The following TTLL4 variants were observed in gnomAD, a reference collection of about 807,000 sequenced individuals.
TTLL4 encodes the protein tubulin tyrosine ligase like 4, also known as tubulin monoglutamylase TTLL4.
A neutral mutation model predicts 122.7 loss-of-function variants in TTLL4; 85 were observed. The ratio of observed to expected loss-of-function variants is 0.69; its 90% CI spans 0.58 to 0.83. TTLL4 has a LOEUF of 0.83. Ranked by LOEUF, TTLL4 falls within the 40% of genes least tolerant of loss-of-function variation. The pLI, the probability that TTLL4 is intolerant of heterozygous loss-of-function variation, is 0.00. For synonymous variants in TTLL4, 553 were observed against 563.0 expected (o/e 0.98, Z 0.25); for missense variants, 1,363 against 1,488.6 (o/e 0.92, Z 1.39).
Position 218,746,159 on chromosome 2 carries a change from C to T in TTLL4, c.1902C>T (p.Asn634=), listed in dbSNP as rs773410175. ...GRSHFKISKR[N]DDWLGCWGHH... ...TTCCTGATGTACCTCCCATAGGAAA[C>T]GATGACTGGCTGGGCTGCTGGGGTC... The change falls in exon 8 of 20, where the codon AAC becomes AAT. Residue 634 remains asparagine, a synonymous_variant. Coordinates refer to ENST00000392102, the MANE Select transcript of TTLL4 (RefSeq NM_014640.5). 3.3e-5 allele frequency: 53 copies of T among 1,614,038 alleles called. No homozygotes were observed. The highest frequency in any genetic ancestry group is 1.8e-4 in the Admixed American group (11 of 59,996).
In TTLL4 at chr2:218,748,202, G is replaced by A; in HGVS notation, c.2476G>A (p.Glu826Lys). 1 of 1,614,150 alleles carries A rather than the reference G, an allele frequency of 6.2e-7. No homozygotes were observed. Among genetic ancestry groups the A allele is most frequent in the South Asian group, 1.1e-5 (1 of 91,086 alleles). Residue 826 changes from glutamate to lysine, a missense_variant, in exon 12 of 20, where the codon GAA (glutamate) becomes AAA (lysine). Physicochemically the swap from Glu to Lys is moderately conservative, Grantham distance 56. Coordinates refer to ENST00000392102, the MANE Select transcript of TTLL4 (RefSeq NM_014640.5). ...KNAEYQANADEMACQGHKWAL... is the reference protein window; with the variant it reads ...KNAEYQANADKMACQGHKWAL... ...TGCCGAGTACCAGGCCAATGCAGAT[G>A]AAATGGCTTGCCAGGGCCACAAATG...
At position 218,747,681 on chromosome 2, in the gene TTLL4, G is replaced by C. The variant is rs1426943186; in HGVS notation, c.2334G>C (p.Arg778=). The C allele has an allele frequency of 1.9e-6, 3 of 1,614,116 alleles. No homozygotes were observed. Among genetic ancestry groups the C allele is most frequent in the Non-Finnish European group, 2.5e-6 (3 of 1,180,054 alleles). ...YVYVTSYDPL[R]IYLFSDGLVR... ...ATGTCACTTCCTACGATCCTCTGCG[G>C]ATTTACCTCTTTTCAGATGGACTGG... The change falls in exon 11 of 20, where the codon CGG becomes CGC. Residue 778 remains arginine (R), a synonymous_variant. Coordinates refer to ENST00000392102, the MANE Select transcript of TTLL4 (RefSeq NM_014640.5). The surrounding 1 kb of genome is among the most constrained non-coding windows in gnomAD (Gnocchi z 4.7).
At chr2:218,748,406 G>A (rs1396755175) in intron 12 of TTLL4, 179 bp downstream of exon 12, 1 of 1,048,712 alleles carries the variant, frequency 9.5e-7, no homozygotes, top group Non-Finnish European at 1.3e-6. Flanking sequence ...TGTAATCCTA[G>A]CACTTTGGGA....
intron 4 of TTLL4, 148 bp from the exon 5 acceptor site, chr2:218,740,373 G>T: frequency 1.1e-6 from 1 of 940,340 alleles, no homozygotes; most frequent in Non-Finnish European, 1.7e-6. Context: ...TGCTTCTGTT[G>T]AGGAAGGCAG....
chr2:218,754,256 A>T lies in TTLL4; in HGVS notation c.3467A>T (p.Glu1156Val). Residue 1156 changes from glutamate (E) to valine (V), a missense_variant, in exon 20 of 20, where the codon GAG becomes GTG. Glu to Val is a moderately radical substitution (Grantham distance 121). Transcript: ENST00000392102. Reference protein sequence around the residue: ...PQKPSSSKDSEDTSKEPSLST... With the variant: ...PQKPSSSKDSVDTSKEPSLST... ...AAACCCAGTTCCTCAAAGGACAGTG[A>T]GGACACCAGCAAAGAGCCCAGCCTT... The T allele has an allele frequency of 6.2e-7, 1 of 1,614,194 alleles. No homozygotes were observed. The highest frequency in any genetic ancestry group is 8.5e-7 in the Non-Finnish European group (1 of 1,180,034).
rs757122476 is a variant in TTLL4 at position 218,754,200 on chromosome 2, G to T, written c.3411G>T (p.Lys1137Asn). Residue 1137 changes from lysine to asparagine, a missense_variant, in exon 20 of 20, where the codon AAG (lysine) becomes AAT (asparagine). This residue lies in a region of TTLL4 where 596 missense variants were observed against 655.8 expected (regional missense o/e 0.91). Transcript: ENST00000392102. Reference sequence around the variant, plus strand: ...ACGGGACCACGCCCAAATCCAAGAAGACTCAAGCTGGCCTTTCCCCTTATC... The same window carrying T: ...ACGGGACCACGCCCAAATCCAAGAATACTCAAGCTGGCCTTTCCCCTTATC... ...SEDGTTPKSKKTQAGLSPYPQ... is the reference protein window; with the variant it reads ...SEDGTTPKSKNTQAGLSPYPQ... 1.4e-5 allele frequency: 22 copies of T among 1,614,048 alleles called. 1 individual carries two copies. In the South Asian group the frequency reaches 2.0e-4, roughly 14 times the overall value.
chr2:218,728,509 G>T (rs558679194), intron 2 of TTLL4, among the ~76,000 whole-genome samples: 2 of 152,326 alleles, frequency 1.3e-5, no homozygotes, highest in Admixed American at 6.5e-5. Flanking sequence ...GGTAATGCCC[G>T]CTTGCCCAAT....
intron 1 of TTLL4, among the ~76,000 whole-genome samples, chr2:218,716,071 CA>C (rs1271102625): frequency 1.3e-5 from 2 of 152,050 alleles, no homozygotes; most frequent in Non-Finnish European, 1.5e-5. Context: ...TGTATAGTGT[CA>C]AAAAAATCAT....
chr2:218,733,245 A>G (rs1243814431), intron 2 of TTLL4, among the ~76,000 whole-genome samples: 1 of 152,186 alleles, frequency 6.6e-6, no homozygotes, highest in Non-Finnish European at 1.5e-5. Flanking sequence ...CTATAAAGAA[A>G]TACCTGAGAC....
chr2:218,741,909 A>G (rs1165182092), intron 5 of TTLL4, among the ~76,000 whole-genome samples: 4 of 152,246 alleles, frequency 2.6e-5, no homozygotes, highest in Non-Finnish European at 5.9e-5. Context: ...CAAATTGCAC[A>G]TAACTTTTTC....
chr2:218,745,691 T>C lies in TTLL4; in HGVS notation c.1787T>C (p.Val596Ala), dbSNP rs1257938733. The change falls in exon 7 of 20, where the codon GTG (valine) becomes GCG (alanine). Residue 596 changes from valine to alanine, a missense_variant and splice_region_variant. Physicochemically the swap from Val to Ala is moderately conservative, Grantham distance 64 (BLOSUM62 0). Coordinates refer to ENST00000392102, the MANE Select transcript of TTLL4 (RefSeq NM_014640.5). ...TIYFGTRDER[V>A]EKLPWEQRKL... ...CCCACACCCCTTGCATTCTTCCCAG[T>C]GGAGAAACTTCCCTGGGAACAGAGG... The C allele has an allele frequency of 6.2e-7, 1 of 1,603,496 alleles. No homozygotes were observed. Among genetic ancestry groups the C allele is most frequent in the Non-Finnish European group, 8.5e-7 (1 of 1,173,108 alleles).
intron 2 of TTLL4, among the ~76,000 whole-genome samples, chr2:218,735,820 C>A (rs898695249): frequency 4.6e-5 from 7 of 151,800 alleles, no homozygotes; most frequent in Admixed American, 6.6e-5. Context: ...TTACAGGCAC[C>A]CTCCTCCGTG....
At chr2:218,745,272 G>C (rs2272190) in intron 6 of TTLL4, 39 bp downstream of exon 6, 754,292 of 1,611,122 alleles carry the variant, frequency 0.47, 181,500 homozygotes, top group African/African-American at 0.62. Flanking sequence ...AAGAGCCCCC[G>C]GGGAGAAGGT....
rs1036783721 is a variant in TTLL4 at position 218,747,903 on chromosome 2, C to T, written c.2378+178C>T. The T allele has an allele frequency of 6.2e-6, 7 of 1,131,646 alleles. No homozygotes were observed. Among genetic ancestry groups the T allele is most frequent in the African/African-American group, 3.1e-5 (2 of 64,320 alleles). 70.1% of individuals were successfully genotyped at this position (1,131,646 alleles called of 1,614,324 possible). A position where few individuals can be genotyped will look rare whatever the true frequency, so the allele number is the denominator to read the frequency against. ...AATCTGGGGAGGGTCTTCCTGCATG[C>T]GGGACTGAGGTGGGATAAAGGAGAT... On this transcript the variant is annotated intron_variant, in intron 11 of 19. Transcript: ENST00000392102. The surrounding 1 kb of genome is among the most constrained non-coding windows in gnomAD (Gnocchi z 4.7).
intron 4 of TTLL4, 103 bp downstream of exon 4, chr2:218,740,270 C>A: frequency 8.5e-7 from 1 of 1,171,640 alleles, no homozygotes; most frequent in Non-Finnish European, 1.2e-6. Flanking sequence ...TTACCTACAT[C>A]AGTCATTTGC....
rs1366099113 is a variant in TTLL4, at chr2:218,740,657, C to G, written c.1661+73C>G. 5 of 1,543,226 alleles carry G rather than the reference C, an allele frequency of 3.2e-6. No homozygotes were observed. The African/African-American group carries it at 6.8e-5, about 21-fold the overall frequency. ...TTAAAGATTATAAAGAGATAAACCACTCAAGTCATTAATGGCCTGGAGAAC... is the reference window on the plus strand; with the variant it reads ...TTAAAGATTATAAAGAGATAAACCAGTCAAGTCATTAATGGCCTGGAGAAC... On this transcript the variant is annotated intron_variant, in intron 5 of 19. Coordinates refer to ENST00000392102, the MANE Select transcript of TTLL4 (RefSeq NM_014640.5).
chr2:218,745,387 C>G (rs2106448283), intron 6 of TTLL4, 154 bp downstream of exon 6: 1 of 945,468 alleles, frequency 1.1e-6, no homozygotes, highest in African/African-American at 1.7e-5. Context: ...GGTCGTAGGT[C>G]TGATGCAACC....
At chr2:218,755,926 A>T (rs979548629), downstream of TTLL4, among the ~76,000 whole-genome samples, 4 of 152,104 alleles carry the variant, frequency 2.6e-5, no homozygotes, top group Non-Finnish European at 5.9e-5. Context: ...GGCCATGTTG[A>T]CAGTTGTGAA....
At chr2:218,717,561 TGCTAAACTGTGCTCTACAAGA>T (rs1941899346) in intron 1 of TTLL4, among the ~76,000 whole-genome samples, 1 of 152,194 alleles carries the variant, frequency 6.6e-6, no homozygotes, top group Non-Finnish European at 1.5e-5. Context: ...TGTTTGGCAT[TGCTAAACTGTGCTCTACAAGA>T]GCTACCTGTA....
Sources: gnomAD v4.1 joint callset for allele counts (sites outside exome capture counted in the v4.1 genomes callset) on GRCh38, gnomAD v4.1.1 for gene constraint, gnomAD v4.1.1 regional missense constraint, Gnocchi (gnomAD v3.1) non-coding constraint, MANE v1.5 for transcripts, NCBI Gene and HGNC (gene_info 2026-07-23, HGNC 2026-07-21) for gene names.